The following POLR3H variants were observed in gnomAD, a reference collection of about 807,000 sequenced individuals.
POLR3H encodes DNA-directed RNA polymerase III subunit RPC8.
In POLR3H, 17 loss-of-function variants were observed where a neutral mutation model predicts 25.5. That is an observed-to-expected ratio of 0.67 (90% CI 0.46 to 1.00). The LOEUF (loss-of-function observed/expected upper bound fraction) is 1.00, where lower values mean the gene tolerates loss of function less well. POLR3H is among the 50% of genes least tolerant of loss of function. The probability of loss-of-function intolerance (pLI) is 0.00; values close to 1 mark genes in which losing one functional copy is unlikely to be tolerated. For synonymous variants in POLR3H, 129 were observed against 103.0 expected (o/e 1.25, Z -1.53); for missense variants, 274 against 265.0 (o/e 1.03, Z -0.24).
intron 2 of POLR3H, among the ~76,000 whole-genome samples, chr22:41,536,760 G>A (rs2066854985): frequency 6.6e-6 from 1 of 150,986 alleles, no homozygotes; most frequent in Admixed American, 6.6e-5. Context: ...CAGCTACTCG[G>A]GAAGCTGAGA....
chr22:41,530,459 C>T (rs546995622), intron 5 of POLR3H, among the ~76,000 whole-genome samples: 17 of 152,366 alleles, frequency 1.1e-4, no homozygotes, highest in Non-Finnish European at 1.9e-4. Flanking sequence ...GTCCCCTTTG[C>T]AAGCTGACTC....
chr22:41,537,510 T>C (rs2066867586), intron 2 of POLR3H, among the ~76,000 whole-genome samples: 1 of 152,190 alleles, frequency 6.6e-6, no homozygotes, highest in Non-Finnish European at 1.5e-5. Flanking sequence ...CCTCAAAGCA[T>C]GGCAATTGGT....
intron 2 of POLR3H, among the ~76,000 whole-genome samples, chr22:41,534,721 G>A (rs991618758): frequency 2.6e-5 from 4 of 151,860 alleles, no homozygotes; most frequent in Admixed American, 6.6e-5. Context: ...GTGAAACCCC[G>A]TCTCTACTAA....
chr22:41,527,970 A>G lies in POLR3H; in HGVS notation c.*1313T>C. The G allele has an allele frequency of 1.2e-6, 2 of 1,613,866 alleles. No individual in the cohort carries two copies. Among genetic ancestry groups the G allele is most frequent in the Non-Finnish European group, 1.7e-6 (2 of 1,179,974 alleles). ...GACCCGGCTGACTACAACAAGATTC[A>G]CCCTGTGGACAAGCTGACCATTCAG... is the stretch of plus-strand genomic sequence containing the variant. On this transcript the variant is annotated 3_prime_UTR_variant, in exon 6 of 6. Coordinates refer to ENST00000355209, the MANE Select transcript of POLR3H (RefSeq NM_001018050.4).
intron 1 of POLR3H, 107 bp downstream of exon 1, chr22:41,543,884 T>G (rs1416395765): frequency 1.3e-6 from 1 of 775,212 alleles, no homozygotes; most frequent in South Asian, 1.4e-5. Context: ...GACATTAAGC[T>G]GCTTGCCCAC....
rs747507310 is a variant in POLR3H at position 41,530,850 on chromosome 22, G to A, written c.398C>T (p.Thr133Met). The A allele has an allele frequency of 5.0e-6, 8 of 1,613,810 alleles. No homozygotes were observed. Among genetic ancestry groups the A allele is most frequent in the Admixed American group, 3.3e-5 (2 of 60,008 alleles). The change falls in exon 5 of 6, where the codon ACG becomes ATG. Residue 133 changes from threonine to methionine, a missense_variant. Transcript: ENST00000355209. ...AEQVWVWEYE[T>M]EEGAHDLYMD... ...GTAGAGGTCGTGTGCTCCTTCCTCC[G>A]TCTCGTACTCCCACACCCACACCTG...
Position 41,527,903 on chromosome 22 carries a change from A to G in POLR3H, c.*1380T>C. 1 of 1,614,054 alleles carries G rather than the reference A, an allele frequency of 6.2e-7. No individual in the cohort carries two copies. Among genetic ancestry groups the G allele is most frequent in the East Asian group, 2.2e-5 (1 of 44,876 alleles). ...ACCGAATGCCGCCTGCTTTCCAGAG[A>G]CCAACCTGAAGAAACAGGGCCTGCT... On this transcript the variant is annotated 3_prime_UTR_variant, in exon 6 of 6. Coordinates refer to ENST00000355209, the MANE Select transcript of POLR3H (RefSeq NM_001018050.4).
At chr22:41,540,401 G>A (rs1569037000) in intron 2 of POLR3H, 5 of 419,578 alleles carry the variant, frequency 1.2e-5, no homozygotes, top group Admixed American at 1.0e-4. Context: ...CGCTGTCACC[G>A]GGTCAATTCC....
At position 41,529,466 on chromosome 22, in the gene POLR3H, T is replaced by C. The variant is rs2066676981; in HGVS notation, c.562-130A>G. 3.9e-6 allele frequency: 3 copies of C among 769,846 alleles called. No individual in the cohort carries two copies. In the South Asian group the frequency reaches 4.7e-5, roughly 12 times the overall value. 47.7% of individuals were successfully genotyped at this position (769,846 alleles called of 1,614,324 possible). On this transcript the variant is annotated intron_variant, in intron 5 of 5. Transcript: ENST00000355209. ...GCGGGGCACACGGCAGCCAAGAGGC[T>C]CTGGAGAGATGTGGGAGCCACAGCA...
Position 41,526,278 on chromosome 22 carries a change from C to G in POLR3H, c.*3005G>C. The G allele has an allele frequency of 6.2e-7, 1 of 1,612,248 alleles. No individual in the cohort carries two copies. The highest frequency in any genetic ancestry group is 8.5e-7 in the Non-Finnish European group (1 of 1,179,956). On this transcript the variant is annotated 3_prime_UTR_variant, in exon 6 of 6. Coordinates refer to ENST00000355209, the MANE Select transcript of POLR3H (RefSeq NM_001018050.4). Reference sequence around the variant, plus strand: ...CCACCCAAGGTCAAAGGGAAGTGTACCACTGACCACATCTCAGCTGCTGGC... The same window carrying G: ...CCACCCAAGGTCAAAGGGAAGTGTAGCACTGACCACATCTCAGCTGCTGGC...
chr22:41,542,117 CTT>C (rs2066939211), intron 1 of POLR3H, among the ~76,000 whole-genome samples: 1 of 151,462 alleles, frequency 6.6e-6, no homozygotes, highest in Admixed American at 6.6e-5. Context: ...AAGTTTCACT[CTT>C]GTCACCCAGG....
Position 41,528,638 on chromosome 22 carries a change from C to T in POLR3H, c.*645G>A, listed in dbSNP as rs754366467. ...AGGGCAGTGCCTCCCCGCCCCGCCG[C>T]TGGCGTCAAGTTCAGCTCCACGTGT... On this transcript the variant is annotated 3_prime_UTR_variant, in exon 6 of 6. Transcript: ENST00000355209. 4.4e-6 allele frequency: 7 copies of T among 1,608,480 alleles called. No individual in the cohort carries two copies. The highest frequency in any genetic ancestry group is 5.9e-6 in the Non-Finnish European group (7 of 1,178,868).
In POLR3H at chr22:41,526,327, C is replaced by T. The variant is rs2066595161; in HGVS notation, c.*2956G>A. ...GCCCCTGGCTCAAGTTCCGTGGGCA[C>T]TTGGATAACATCTCCAACAACCTGC... is the stretch of plus-strand genomic sequence containing the variant. On this transcript the variant is annotated 3_prime_UTR_variant, in exon 6 of 6. Transcript: ENST00000355209. The T allele has an allele frequency of 6.2e-7, 1 of 1,613,100 alleles. No individual in the cohort carries two copies. The highest frequency in any genetic ancestry group is 8.5e-7 in the Non-Finnish European group (1 of 1,180,032).
chr22:41,535,003 T>G (rs1275481732), intron 2 of POLR3H, among the ~76,000 whole-genome samples: 1 of 152,114 alleles, frequency 6.6e-6, no homozygotes, highest in East Asian at 1.9e-4. Flanking sequence ...CATATCTGCC[T>G]ACTTACCATA....
intron 1 of POLR3H, among the ~76,000 whole-genome samples, chr22:41,541,896 A>G (rs909575651): frequency 1.3e-5 from 2 of 152,194 alleles, no homozygotes; most frequent in Admixed American, 6.5e-5. Flanking sequence ...GCGTAAAGCC[A>G]GCTAAGCATC....
rs2066647374 is a variant in POLR3H, at chr22:41,528,340, A to T, written c.*943T>A. Reference sequence around the variant, plus strand: ...CCACCTGGGTCTGACCTGGGCCATCAGGCACAGACTGGCCTAGGATTTGGT... The same window carrying T: ...CCACCTGGGTCTGACCTGGGCCATCTGGCACAGACTGGCCTAGGATTTGGT... On this transcript the variant is annotated 3_prime_UTR_variant, in exon 6 of 6. Transcript: ENST00000355209. The T allele has an allele frequency of 8.0e-7, 1 of 1,255,806 alleles. No homozygotes were observed. Among genetic ancestry groups the T allele is most frequent in the Non-Finnish European group, 1.1e-6 (1 of 922,750 alleles). 77.8% of individuals were successfully genotyped at this position (1,255,806 alleles called of 1,614,324 possible).
At position 41,537,858 on chromosome 22, in the gene POLR3H, G is replaced by A. The variant is rs538113926; in HGVS notation, c.208+2841C>T. 4.6e-5 allele frequency among the ~76,000 whole-genome samples: 7 copies of A among 152,150 alleles called. No homozygotes were observed. In the South Asian group the frequency reaches 1.5e-3, roughly 32 times the overall value. On this transcript the variant is annotated intron_variant, in intron 2 of 5. Transcript: ENST00000355209. The stretch of plus-strand genomic sequence containing the variant: ...GGTCTCTCTCTGTCACCCAGCTGGA[G>A]TGCAGCGGCGTGTTCTTGGCCTCCT...
chr22:41,538,060 G>A (rs1366117398), intron 2 of POLR3H, among the ~76,000 whole-genome samples: 7 of 151,816 alleles, frequency 4.6e-5, no homozygotes, highest in African/African-American at 1.7e-4. Flanking sequence ...CTGCCTCCTG[G>A]GTTCAAGCGA....
Position 41,532,134 on chromosome 22 carries a change from T to G in POLR3H, c.319A>C (p.Ile107Leu). The G allele has an allele frequency of 1.2e-6, 2 of 1,614,094 alleles. No homozygotes were observed. Among genetic ancestry groups the G allele is most frequent in the Non-Finnish European group, 1.7e-6 (2 of 1,179,978 alleles). ...TGCAGTGACTCTGGGGGGATGAGAA[T>G]GTCATCGAAGAAGCCTAGAGAGACT... is the stretch of plus-strand genomic sequence containing the variant. ...VHVSLGFFDD[I>L]LIPPESLQQP... Residue 107 changes from isoleucine to leucine, a missense_variant, in exon 4 of 6, where the codon ATT becomes CTT. Coordinates refer to ENST00000355209, the MANE Select transcript of POLR3H (RefSeq NM_001018050.4).
Sources: allele counts gnomAD v4.1 joint callset (sites outside exome capture counted in the v4.1 genomes callset), GRCh38; gene constraint gnomAD v4.1.1; transcripts MANE v1.5; gene names NCBI Gene and HGNC (gene_info 2026-07-23, HGNC 2026-07-21).